The following AGBL1 variants were observed in gnomAD, a reference collection of about 807,000 sequenced individuals.
AGBL1 encodes cytosolic carboxypeptidase 4.
AGBL1 carries 130 observed loss-of-function variants against 118.9 expected under a neutral mutation model. The observed-to-expected ratio is 1.09, with a 90% CI of 0.95 to 1.26. AGBL1 has a LOEUF of 1.26. Among genes scored for constraint, AGBL1 ranks in the 50% most tolerant of loss-of-function variants. The pLI is 0.00. For missense variants in AGBL1, 1,584 were observed against 1,298.1 expected, an observed-to-expected ratio of 1.22 and a Z score of -3.38; for synonymous variants, 555 against 478.9, an observed-to-expected ratio of 1.16 and a Z score of -2.08.
chr15:86,827,446 T>C (rs1193060614), intron 22 of AGBL1, among the ~76,000 whole-genome samples: 1 of 7,430 alleles, frequency 1.3e-4, no homozygotes. Context: ...TATATATGTG[T>C]GTGTATATAT....
chr15:86,084,366 C>T (rs757770813), intron 1 of AGBL1, among the ~76,000 whole-genome samples: 2 of 152,152 alleles, frequency 1.3e-5, no homozygotes, highest in Non-Finnish European at 2.9e-5. Flanking sequence ...TCCACTTGTG[C>T]CAGGCTTTTA....
intron 23 of AGBL1, among the ~76,000 whole-genome samples, chr15:86,961,341 T>C (rs2080990798): frequency 1.3e-5 from 2 of 152,056 alleles, no homozygotes; most frequent in South Asian, 4.1e-4. Context: ...GGGTCCACTC[T>C]GCAGCTCTAC....
intron 18 of AGBL1, among the ~76,000 whole-genome samples, chr15:86,478,136 G>A (rs902661053): frequency 2.6e-5 from 4 of 152,124 alleles, no homozygotes; most frequent in Non-Finnish European, 5.9e-5. Flanking sequence ...TACTGAATGG[G>A]CAAAAACTGG....
chr15:86,128,960 A>G (rs1486464580), intron 1 of AGBL1, among the ~76,000 whole-genome samples: 1 of 152,214 alleles, frequency 6.6e-6, no homozygotes, highest in Non-Finnish European at 1.5e-5. Flanking sequence ...AATTATATTA[A>G]CACAGTGCTT....
chr15:86,766,411 G>A (rs1943736902), intron 22 of AGBL1, among the ~76,000 whole-genome samples: 1 of 151,924 alleles, frequency 6.6e-6, no homozygotes, highest in African/African-American at 2.4e-5. Flanking sequence ...ATAAATGGAG[G>A]ATTTTGTAGG....
intron 18 of AGBL1, among the ~76,000 whole-genome samples, chr15:86,456,730 A>G (rs910680777): frequency 6.6e-6 from 1 of 152,210 alleles, no homozygotes; most frequent in Non-Finnish European, 1.5e-5. Flanking sequence ...AATACAATTT[A>G]ATGTATTTCA....
In AGBL1 at chr15:86,912,964, T is replaced by A. The variant is rs1230637441; in HGVS notation, c.*5670T>A. 6.6e-6 allele frequency: 1 copy of A among 152,148 alleles called. No homozygotes were observed. The highest frequency in any genetic ancestry group is 1.5e-5 in the Non-Finnish European group (1 of 68,030). 9.4% of individuals were successfully genotyped at this position (152,148 alleles called of 1,614,324 possible). A position where few individuals can be genotyped will look rare whatever the true frequency, so the allele number is the denominator to read the frequency against. On this transcript the variant is annotated 3_prime_UTR_variant, in exon 23 of 23. Transcript: ENST00000614907. ...CTGTCTTCCCAACAGATGTCCTCTT[T>A]TGTTTGTGTTGCAGTTTGGTTCATG...
At chr15:86,842,742 C>G (rs1232373566) in intron 22 of AGBL1, among the ~76,000 whole-genome samples, 1 of 152,154 alleles carries the variant, frequency 6.6e-6, no homozygotes, top group African/African-American at 2.4e-5. Flanking sequence ...TTTCAATTCT[C>G]CAAATGCTCT....
At chr15:86,669,426 A>G (rs542248139) in intron 21 of AGBL1, among the ~76,000 whole-genome samples, 2 of 152,304 alleles carry the variant, frequency 1.3e-5, no homozygotes, top group South Asian at 4.1e-4. Flanking sequence ...GTGGAGGACA[A>G]AGGGAAAATA....
rs146389175 is a variant in AGBL1 at position 86,588,618 on chromosome 15, C to T, written c.2994+34081C>T. On this transcript the variant is annotated intron_variant, in intron 21 of 22. Transcript: ENST00000614907. ...GCAACCACAACCTGATCAAATCCAA[C>T]CCCTGGAGTGTGTGTCAGGGCCTCT... is the stretch of plus-strand genomic sequence containing the variant. Among the ~76,000 whole-genome samples the T allele has an allele frequency of 1.8e-4, 27 of 152,294 alleles. No individual in the cohort carries two copies. In the East Asian group the frequency reaches 3.3e-3, roughly 19 times the overall value.
chr15:86,865,740 G>A (rs181603181), intron 22 of AGBL1, among the ~76,000 whole-genome samples: 5 of 152,182 alleles, frequency 3.3e-5, no homozygotes, highest in Admixed American at 6.5e-5. Context: ...GTCAACCTGC[G>A]CCTTCATTTT....
intron 23 of AGBL1, chr15:86,939,016 C>G (rs189311604): frequency 2.0e-5 from 3 of 152,380 alleles, no homozygotes; most frequent in East Asian, 1.9e-4. Context: ...TCCTTCACAT[C>G]TTTTTCCATC....
At chr15:86,352,038 C>A (rs963097863) in intron 17 of AGBL1, among the ~76,000 whole-genome samples, 3 of 152,156 alleles carry the variant, frequency 2.0e-5, no homozygotes, top group Non-Finnish European at 4.4e-5. Flanking sequence ...ACATTACGGA[C>A]ACTGGGGGCT....
chr15:86,343,188 A>G (rs553449340), intron 17 of AGBL1, among the ~76,000 whole-genome samples: 1 of 152,166 alleles, frequency 6.6e-6, no homozygotes, highest in Non-Finnish European at 1.5e-5. Context: ...AATCTTTATG[A>G]CCTGCATCTT....
intron 16 of AGBL1, among the ~76,000 whole-genome samples, chr15:86,290,343 CTT>C (rs559169172): frequency 0.088 from 11,793 of 134,220 alleles, 363 homozygotes; most frequent in Middle Eastern, 0.14. Flanking sequence ...TCTTTTCTTT[CTT>C]TTTTTTTTTT....
intron 23 of AGBL1, among the ~76,000 whole-genome samples, chr15:86,925,697 TTTTTTC>T (rs1312098344): frequency 1.5e-4 from 22 of 150,124 alleles, no homozygotes; most frequent in Admixed American, 6.6e-5. Flanking sequence ...TCTTTTTTTC[TTTTTTC>T]TTTTTCTTTT....
chr15:86,791,800 A>C (rs1356133883), intron 22 of AGBL1, among the ~76,000 whole-genome samples: 1 of 150,860 alleles, frequency 6.6e-6, no homozygotes, highest in Non-Finnish European at 1.5e-5. Context: ...GCAGTGGTGT[A>C]ATCTTGGCTC....
intron 18 of AGBL1, among the ~76,000 whole-genome samples, chr15:86,427,075 T>G (rs1567252276): frequency 6.6e-6 from 1 of 152,206 alleles, no homozygotes. Flanking sequence ...CTTGTTTTAT[T>G]TAATTTGAGT....
chr15:86,536,642 T>A (rs1347997802), intron 19 of AGBL1, among the ~76,000 whole-genome samples: 2 of 152,124 alleles, frequency 1.3e-5, no homozygotes, highest in Non-Finnish European at 2.9e-5. Flanking sequence ...GGAGGGCAAG[T>A]CAGAATTTTC....
Sources: allele counts gnomAD v4.1 joint callset (sites outside exome capture counted in the v4.1 genomes callset), GRCh38; gene constraint gnomAD v4.1.1; transcripts MANE v1.5; gene names NCBI Gene and HGNC (gene_info 2026-07-23, HGNC 2026-07-21).